The following GRK5 variants were observed in gnomAD, a reference collection of about 807,000 sequenced individuals.
GRK5 encodes the protein G protein-coupled receptor kinase 5, also known as g protein-coupled receptor kinase GRK5.
In GRK5, 40 loss-of-function variants were observed where a neutral mutation model predicts 78.4. The observed-to-expected ratio is 0.51, with a 90% CI of 0.40 to 0.66. GRK5 has a LOEUF of 0.66. Ranked by LOEUF, GRK5 falls within the 30% of genes least tolerant of loss-of-function variation. The probability of loss-of-function intolerance (pLI) is 0.00; values close to 1 mark genes in which losing one functional copy is unlikely to be tolerated. For synonymous variants in GRK5, 289 were observed against 296.8 expected, an observed-to-expected ratio of 0.97 and a Z score of 0.27; for missense variants, 598 against 759.9, an observed-to-expected ratio of 0.79 and a Z score of 2.50.
chr10:119,272,465 A>AT (rs1391650651), intron 1 of GRK5, among the ~76,000 whole-genome samples: 1 of 151,566 alleles, frequency 6.6e-6, no homozygotes, highest in Non-Finnish European at 1.5e-5. Context: ...AATCCCAGCT[A>AT]CTCAGGAGGC....
chr10:119,238,155 G>A lies in GRK5; in HGVS notation c.52+30186G>A, dbSNP rs1167851557. Among the ~76,000 whole-genome samples, 1 of 152,168 alleles carries A rather than the reference G, an allele frequency of 6.6e-6. No individual in the cohort carries two copies. Among genetic ancestry groups the A allele is most frequent in the African/African-American group, 2.4e-5 (1 of 41,436 alleles). ...GGGTCCAGAGAGGGTTTTCTGGTCT[G>A]AAGAGGAGAGTGTGCCCCTCACAGT... On this transcript the variant is annotated intron_variant, in intron 1 of 15. Coordinates refer to ENST00000392870, the MANE Select transcript of GRK5 (RefSeq NM_005308.3). This position sits in a 1 kb window ranked among gnomAD's most constrained non-coding sequence, Gnocchi z 4.7.
At chr10:119,275,688 T>C (rs1158365344) in intron 1 of GRK5, among the ~76,000 whole-genome samples, 2 of 152,010 alleles carry the variant, frequency 1.3e-5, no homozygotes, top group Non-Finnish European at 2.9e-5. Flanking sequence ...TGCTTTTGGC[T>C]GCTGCTGTTT....
At chr10:119,411,780 TAACA>T (rs974577764) in intron 4 of GRK5, among the ~76,000 whole-genome samples, 6 of 149,026 alleles carry the variant, frequency 4.0e-5, no homozygotes, top group African/African-American at 1.2e-4. Context: ...CCGTCTCAAT[TAACA>T]AACAAACAAA....
rs186077824 is a variant in GRK5, at chr10:119,271,430, G to T, written c.53-55086G>T. Among the ~76,000 whole-genome samples, 159 of 152,344 alleles carry T rather than the reference G, an allele frequency of 1.0e-3. No individual in the cohort carries two copies. Among genetic ancestry groups the T allele is most frequent in the African/African-American group, 3.6e-3 (150 of 41,578 alleles). On this transcript the variant is annotated intron_variant, in intron 1 of 15. Transcript: ENST00000392870. The surrounding 1 kb of genome is among the most constrained non-coding windows in gnomAD (Gnocchi z 4.1). ...TGGCTGAAACAATGTGTTTCCTACAGATTTTGTTTGCCTGCATTGACTTCT... is the reference window on the plus strand; with the variant it reads ...TGGCTGAAACAATGTGTTTCCTACATATTTTGTTTGCCTGCATTGACTTCT...
At chr10:119,211,732 G>C (rs1848488794) in intron 1 of GRK5, 1 of 152,200 alleles carries the variant, frequency 6.6e-6, no homozygotes, top group African/African-American at 2.4e-5. Context: ...TCTGTGACTT[G>C]GCTGGATCTT....
chr10:119,269,832 T>TAAAA (rs1158379424), intron 1 of GRK5, among the ~76,000 whole-genome samples: 3 of 96,146 alleles, frequency 3.1e-5, no homozygotes, highest in African/African-American at 8.0e-5. Context: ...GACTCCATCT[T>TAAAA]AAAAAAAAAA....
Position 119,430,571 on chromosome 10 carries a change from G to A in GRK5, c.597+133G>A, listed in dbSNP as rs1852795502. ...CAGTGGCTCAATGTGGGCCCCGGGG[G>A]CAGTGAGGGTGGGAGAGAGTCAGTG... is the stretch of plus-strand genomic sequence containing the variant. On this transcript the variant is annotated intron_variant, in intron 7 of 15. Coordinates refer to ENST00000392870, the MANE Select transcript of GRK5 (RefSeq NM_005308.3). This position sits in a 1 kb window ranked among gnomAD's most constrained non-coding sequence, Gnocchi z 4.5. The A allele has an allele frequency of 8.5e-6, 6 of 702,854 alleles. No individual in the cohort carries two copies. Among genetic ancestry groups the A allele is most frequent in the Non-Finnish European group, 7.3e-6 (3 of 413,700 alleles). 43.5% of individuals were successfully genotyped at this position (702,854 alleles called of 1,614,324 possible). A position where few individuals can be genotyped will look rare whatever the true frequency, so the allele number is the denominator to read the frequency against.
chr10:119,443,554 C>A lies in GRK5; in HGVS notation c.1068C>A (p.Val356=). ...CTCCTCTGCCCCCAGCTCCAGAGGTCCTGAACAACCAGAGGTACGGCCTGA... is the reference window on the plus strand; with the variant it reads ...CTCCTCTGCCCCCAGCTCCAGAGGTACTGAACAACCAGAGGTACGGCCTGA... The part of the protein sequence containing the change: ...VGTVGYMAPE[V]LNNQRYGLSP... The change falls in exon 12 of 16, where the codon GTC becomes GTA. Residue 356 remains valine (V), a synonymous_variant. Coordinates refer to ENST00000392870, the MANE Select transcript of GRK5 (RefSeq NM_005308.3). 1.2e-6 allele frequency: 2 copies of A among 1,606,944 alleles called. No individual in the cohort carries two copies. The highest frequency in any genetic ancestry group is 2.2e-5 in the South Asian group (2 of 90,928).
intron 1 of GRK5, among the ~76,000 whole-genome samples, chr10:119,290,794 A>G (rs1384400457): frequency 6.6e-6 from 1 of 151,884 alleles, no homozygotes; most frequent in Non-Finnish European, 1.5e-5. Context: ...TTCTGCTCAC[A>G]TCGGTCCTGC....
At chr10:119,366,628 T>G (rs1375904604) in intron 2 of GRK5, among the ~76,000 whole-genome samples, 1 of 152,196 alleles carries the variant, frequency 6.6e-6, no homozygotes, top group African/African-American at 2.4e-5. Flanking sequence ...GCCCCAAAGC[T>G]GCCACAGCTT....
At chr10:119,365,598 T>C (rs1266777300) in intron 2 of GRK5, among the ~76,000 whole-genome samples, 1 of 152,180 alleles carries the variant, frequency 6.6e-6, no homozygotes, top group Non-Finnish European at 1.5e-5. Context: ...TTCATAATGA[T>C]GTAGGGCTTA....
chr10:119,236,495 T>C (rs1848933859), intron 1 of GRK5, among the ~76,000 whole-genome samples: 1 of 152,136 alleles, frequency 6.6e-6, no homozygotes. Flanking sequence ...ATTACAGGCG[T>C]GAGCCACTGC....
At chr10:119,377,438 G>T (rs1254668577) in intron 2 of GRK5, among the ~76,000 whole-genome samples, 1 of 152,150 alleles carries the variant, frequency 6.6e-6, no homozygotes, top group Non-Finnish European at 1.5e-5. Context: ...TTGCACTAGG[G>T]ATGATTTTGT....
intron 4 of GRK5, among the ~76,000 whole-genome samples, chr10:119,415,667 T>A (rs916322354): frequency 6.6e-6 from 1 of 152,218 alleles, no homozygotes; most frequent in Non-Finnish European, 1.5e-5. Context: ...GATGTGAGTG[T>A]TCCCAGCTGT....
chr10:119,454,248 T>A (rs1262521803), intron 15 of GRK5, among the ~76,000 whole-genome samples: 2 of 152,184 alleles, frequency 1.3e-5, no homozygotes, highest in Non-Finnish European at 2.9e-5. Context: ...GAAAAAGAAA[T>A]TACCATGGAG....
intron 1 of GRK5, among the ~76,000 whole-genome samples, chr10:119,228,447 TAAA>T (rs3064441): frequency 0.023 from 3,183 of 140,030 alleles, 136 homozygotes; most frequent in African/African-American, 0.078. Context: ...ACCCAATCTC[TAAA>T]AAAAAAAAAA....
intron 2 of GRK5, among the ~76,000 whole-genome samples, chr10:119,359,456 G>C (rs1417919195): frequency 6.6e-6 from 1 of 152,170 alleles, no homozygotes; most frequent in African/African-American, 2.4e-5. Flanking sequence ...GTGTTTCCAG[G>C]TCATTCGTGT....
chr10:119,330,395 G>A (rs899158948), intron 2 of GRK5: 2 of 149,584 alleles, frequency 1.3e-5, no homozygotes, highest in Non-Finnish European at 3.0e-5. Flanking sequence ...GAGAGAGAGA[G>A]AGAGAGAGAG....
chr10:119,426,307 C>T (rs546164140), intron 6 of GRK5, among the ~76,000 whole-genome samples: 3 of 152,288 alleles, frequency 2.0e-5, no homozygotes, highest in Admixed American at 2.0e-4. Context: ...GGGATGACAG[C>T]GTGACCAGAG....
Sources: allele counts gnomAD v4.1 joint callset (sites outside exome capture counted in the v4.1 genomes callset), GRCh38; gene constraint gnomAD v4.1.1; non-coding constraint Gnocchi (gnomAD v3.1); transcripts MANE v1.5; gene names NCBI Gene and HGNC (gene_info 2026-07-23, HGNC 2026-07-21).